ASMTL: variants seen among roughly 807,000 people sequenced by gnomAD.
ASMTL encodes acetylserotonin O-methyltransferase like.
ASMTL carries 57 observed loss-of-function variants against 60.3 expected under a neutral mutation model. The ratio of observed to expected loss-of-function variants is 0.95; its 90% CI spans 0.76 to 1.18. The LOEUF is 1.18. Among genes scored for constraint, ASMTL ranks in the 50% most tolerant of loss-of-function variants. The pLI is 0.00. For synonymous variants in ASMTL, 419 were observed against 373.0 expected, an observed-to-expected ratio of 1.12 and a Z score of -1.42; for missense variants, 981 against 852.6, an observed-to-expected ratio of 1.15 and a Z score of -1.88.
At position 1,403,451 on chromosome X, in the gene ASMTL, C is replaced by T; in HGVS notation, c.1684G>A (p.Glu562Lys). 1 of 1,612,478 alleles carries T rather than the reference C, an allele frequency of 6.2e-7. No homozygotes were observed. The highest frequency in any genetic ancestry group is 1.7e-4 in the Middle Eastern group (1 of 6,048). Residue 562 changes from glutamate (E) to lysine (K), a missense_variant, in exon 13 of 13, where the codon GAG (glutamate) becomes AAG (lysine). Glu to Lys is a moderately conservative substitution (Grantham distance 56). Transcript: ENST00000381317. Reference sequence around the variant, plus strand: ...AGGGCGCGCTGCGCCACCCTCTTCTCCTCATCCAGGAGCGTCTCCACCAGC... The same window carrying T: ...AGGGCGCGCTGCGCCACCCTCTTCTTCTCATCCAGGAGCGTCTCCACCAGC... ...LLLVETLLDE[E>K]KRVAQRALMQ... is the part of the protein sequence containing the mutation.
At chrX:1,448,238 C>T (rs1238709598) in intron 1 of ASMTL, among the ~76,000 whole-genome samples, 3 of 151,470 alleles carry the variant, frequency 2.0e-5, no homozygotes, top group Non-Finnish European at 4.4e-5. Flanking sequence ...CACACACTGC[C>T]ATCTTGGATA....
chrX:1,403,148 G>C lies in ASMTL; in HGVS notation c.*121C>G, dbSNP rs2089656479. On this transcript the variant is annotated 3_prime_UTR_variant, in exon 13 of 13. Transcript: ENST00000381317. Reference sequence around the variant, plus strand: ...ATGGAGGAGGCAGAGACAGGCTTTTGCTTTCTTTATTCAGTCACGACTACA... The same window carrying C: ...ATGGAGGAGGCAGAGACAGGCTTTTCCTTTCTTTATTCAGTCACGACTACA... The C allele has an allele frequency of 5.1e-6, 4 of 788,444 alleles. No individual in the cohort carries two copies. The highest frequency in any genetic ancestry group is 2.7e-5 in the East Asian group (1 of 37,548). The allele number at this position is 788,444 out of a possible 1,614,324, so 48.8% of individuals were successfully genotyped here.
rs199527526 is a variant in ASMTL, at chrX:1,418,977, C to T, written c.1378+5G>A. 6.2e-7 allele frequency: 1 copy of T among 1,611,686 alleles called. No individual in the cohort carries two copies. The highest frequency in any genetic ancestry group is 1.3e-5 in the African/African-American group (1 of 74,850). ...AAGGAGAGCCCTGGCGGGGGGGCCA[C>T]CCACCTCCCACGTCGCAGGCGGAGG... is the stretch of plus-strand genomic sequence containing the variant. On this transcript the variant is annotated splice_donor_5th_base_variant and intron_variant, in intron 10 of 12. Coordinates refer to ENST00000381317, the MANE Select transcript of ASMTL (RefSeq NM_004192.4).
At chrX:1,450,097 C>CCTT (rs1225292133) in intron 1 of ASMTL, among the ~76,000 whole-genome samples, 1 of 149,920 alleles carries the variant, frequency 6.7e-6, no homozygotes, top group Non-Finnish European at 1.5e-5. Flanking sequence ...CAGTAACTAT[C>CCTT]CCATCACCAG....
chrX:1,440,089 CTTT>C (rs1191286971), intron 2 of ASMTL, among the ~76,000 whole-genome samples: 3 of 120,268 alleles, frequency 2.5e-5, no homozygotes, highest in Non-Finnish European at 3.6e-5. Flanking sequence ...TTCTTTCTTT[CTTT>C]TTTTTTTTTT....
intron 12 of ASMTL, among the ~76,000 whole-genome samples, chrX:1,405,864 TAGATGGATGCATGGATG>T (rs2089809799): frequency 6.6e-6 from 1 of 151,280 alleles, no homozygotes; most frequent in African/African-American, 2.4e-5. Context: ...GATGGATGGA[TAGATGGATGCATGGATG>T]AGATGGATGG....
intron 3 of ASMTL, among the ~76,000 whole-genome samples, chrX:1,437,239 G>C (rs1396245441): frequency 6.6e-6 from 1 of 152,080 alleles, no homozygotes; most frequent in South Asian, 2.1e-4. Flanking sequence ...GCTTGTAGAC[G>C]CCGTCTTCTC....
chrX:1,423,950 A>G (rs2090543116), intron 8 of ASMTL, among the ~76,000 whole-genome samples: 1 of 149,092 alleles, frequency 6.7e-6, no homozygotes, highest in South Asian at 2.1e-4. Flanking sequence ...GCACCCATGC[A>G]TGCATCCATA....
Position 1,403,365 on chromosome X carries a change from A to G in ASMTL, c.1770T>C (p.Tyr590=). Residue 590 remains tyrosine (Y), a synonymous_variant, in exon 13 of 13, where the codon TAT becomes TAC. Transcript: ENST00000381317. ...AGCCGTGCAGCTCCAGCAAGCACTG[A>G]TACTCGCCCAGGCTCCGCTCCTTGC... is the stretch of plus-strand genomic sequence containing the variant. The part of the protein sequence containing the change: ...TEGKERSLGE[Y]QCLLELHGFH... 6.2e-7 allele frequency: 1 copy of G among 1,613,400 alleles called. No individual in the cohort carries two copies. Among genetic ancestry groups the G allele is most frequent in the Non-Finnish European group, 8.5e-7 (1 of 1,179,850 alleles).
intron 12 of ASMTL, among the ~76,000 whole-genome samples, chrX:1,404,672 A>C (rs2089738518): frequency 8.0e-6 from 1 of 125,532 alleles, no homozygotes; most frequent in Admixed American, 8.8e-5. Flanking sequence ...GGGTGAATAG[A>C]TGGTAGATGA....
chrX:1,442,249 C>A lies in ASMTL; in HGVS notation c.162G>T (p.Pro54=), dbSNP rs368867544. The stretch of plus-strand genomic sequence containing the variant: ...TGGCGGTCTCCATGGCGTACCCATA[C>A]GGAGTAGCGAAGGAGGCTTTGTCCA... ...EKLDKASFAT[P]YGYAMETAKQ... is the part of the protein sequence containing the mutation. Residue 54 remains proline, a synonymous_variant, in exon 2 of 13, where the codon CCG becomes CCT. Transcript: ENST00000381317. The A allele has an allele frequency of 1.2e-6, 2 of 1,613,740 alleles. No homozygotes were observed. The highest frequency in any genetic ancestry group is 2.2e-5 in the East Asian group (1 of 44,886).
At chrX:1,417,891 G>A (rs1470659469) in intron 11 of ASMTL, 82 bp downstream of exon 11, 31 of 1,508,774 alleles carry the variant, frequency 2.1e-5, no homozygotes, top group Non-Finnish European at 2.5e-5. Flanking sequence ...AAACACAGGT[G>A]CACACACAGC....
In ASMTL at chrX:1,439,551, A is replaced by G. The variant is rs187947520; in HGVS notation, c.226-407T>C. 2.4e-3 allele frequency among the ~76,000 whole-genome samples: 358 copies of G among 152,296 alleles called. 5 individuals carry two copies. The highest frequency in any genetic ancestry group is 8.4e-3 in the African/African-American group (350 of 41,570). On this transcript the variant is annotated intron_variant, in intron 2 of 12. Transcript: ENST00000381317. ...TTTGATCCGTTCAATGTAATTTCAG[A>G]AAAAGCTACTTAGGGCTGGGCGCGG... is the stretch of plus-strand genomic sequence containing the variant.
intron 6 of ASMTL, among the ~76,000 whole-genome samples, chrX:1,430,592 G>A (rs2090743064): frequency 6.6e-6 from 1 of 151,762 alleles, no homozygotes; most frequent in African/African-American, 2.4e-5. Context: ...GCAACATAGT[G>A]AGACCCCATT....
At chrX:1,434,362 T>C (rs2090901839) in intron 5 of ASMTL, among the ~76,000 whole-genome samples, 2 of 151,692 alleles carry the variant, frequency 1.3e-5, no homozygotes, top group Admixed American at 1.3e-4. Context: ...TGGTGGCGTG[T>C]GCCTGTAGTT....
Position 1,442,293 on chromosome X carries a change from A to AG in ASMTL, c.117dup (p.Ser40LeufsTer4). On this transcript the variant is annotated frameshift_variant, in exon 2 of 13. Coordinates refer to ENST00000381317, the MANE Select transcript of ASMTL (RefSeq NM_004192.4). LOFTEE classifies it high-confidence loss of function. Reference sequence around the variant, plus strand: ...TTGTCCAGCTTCTCTTTAAACTTGGAGGGGACCACCTCAAACCTGAGACCC... The same window carrying AG: ...TTGTCCAGCTTCTCTTTAAACTTGGAGGGGGACCACCTCAAACCTGAGACCC... 2 of 1,613,830 alleles carry AG rather than the reference A, an allele frequency of 1.2e-6. No homozygotes were observed. The highest frequency in any genetic ancestry group is 1.7e-6 in the Non-Finnish European group (2 of 1,179,836).
chrX:1,427,002 A>AAAACAAAAACAAAAAC (rs770616154), intron 7 of ASMTL, among the ~76,000 whole-genome samples: 1 of 148,956 alleles, frequency 6.7e-6, no homozygotes, highest in Non-Finnish European at 1.5e-5. Context: ...AACAAAAACA[A>AAAACAAAAACAAAAAC]AAAAAAGAGA....
Position 1,418,263 on chromosome X carries a change from T to C in ASMTL, c.1379-147A>G, listed in dbSNP as rs188887297. 190 of 879,844 alleles carry C rather than the reference T, an allele frequency of 2.2e-4. 3 individuals carry two copies. The East Asian group carries it at 5.2e-3, about 24-fold the overall frequency. The allele number at this position is 879,844 out of a possible 1,614,324, so 54.5% of individuals were successfully genotyped here. On this transcript the variant is annotated intron_variant, in intron 10 of 12. Transcript: ENST00000381317. Reference sequence around the variant, plus strand: ...GGAAAGCCAGTGGTGGGGAGCTCGCTGGTATCCCAGACAAGACTGTACAAG... The same window carrying C: ...GGAAAGCCAGTGGTGGGGAGCTCGCCGGTATCCCAGACAAGACTGTACAAG...
intron 11 of ASMTL, among the ~76,000 whole-genome samples, chrX:1,416,068 T>C (rs1208542746): frequency 1.4e-5 from 2 of 145,750 alleles, no homozygotes; most frequent in East Asian, 4.1e-4. Context: ...GAGACAGACA[T>C]GCACAGATGG....
Sources: gnomAD v4.1 joint callset for allele counts (sites outside exome capture counted in the v4.1 genomes callset) on GRCh38, gnomAD v4.1.1 for gene constraint, MANE v1.5 for transcripts, NCBI Gene and HGNC (gene_info 2026-07-23, HGNC 2026-07-21) for gene names.